GPR139: variants seen among roughly 807,000 people sequenced by gnomAD.
GPR139 encodes the protein G protein-coupled receptor 139, also known as probable G protein-coupled receptor 139.
GPR139 carries 12 observed loss-of-function variants against 25.8 expected under a neutral mutation model. The ratio of observed to expected loss-of-function variants is 0.47; its 90% confidence interval spans 0.30 to 0.75. The LOEUF (loss-of-function observed/expected upper bound fraction) is 0.75, where lower values mean the gene tolerates loss of function less well. Ranked by LOEUF, GPR139 falls within the 30% of genes least tolerant of loss-of-function variation. GPR139 has a pLI of 0.07. For synonymous variants in GPR139, 184 were observed against 179.9 expected, an observed-to-expected ratio of 1.02 and a Z score of -0.18; for missense variants, 380 against 450.2, an observed-to-expected ratio of 0.84 and a Z score of 1.41.
At chr16:20,043,853 A>G (rs1298588914) in intron 1 of GPR139, among the ~76,000 whole-genome samples, 1 of 152,198 alleles carries the variant, frequency 6.6e-6, no homozygotes. Context: ...GCTCTCCAGC[A>G]AACAATGAGC....
In GPR139 at chr16:20,033,537, C is replaced by T. The variant is rs565210057; in HGVS notation, c.128-868G>A. On this transcript the variant is annotated intron_variant, in intron 1 of 1. Transcript: ENST00000570682. ...CTGCTATATGTGTTCAGGAAAGAGA[C>T]GGGACTATATAACCTCTTAAGAACC... 1.2e-4 allele frequency among the ~76,000 whole-genome samples: 19 copies of T among 152,222 alleles called. No homozygotes were observed. The East Asian group carries it at 2.1e-3, about 17-fold the overall frequency.
chr16:20,073,689 TGGC>T lies in GPR139; in HGVS notation c.-76_-74del. 1 of 1,472,034 alleles carries T rather than the reference TGGC, an allele frequency of 6.8e-7. No individual in the cohort carries two copies. The highest frequency in any genetic ancestry group is 9.0e-7 in the Non-Finnish European group (1 of 1,112,944). The allele number at this position is 1,472,034 out of a possible 1,614,324, so 91.2% of individuals were successfully genotyped here. On this transcript the variant is annotated 5_prime_UTR_variant, in exon 1 of 2. Coordinates refer to ENST00000570682, the MANE Select transcript of GPR139 (RefSeq NM_001002911.4). The surrounding 1 kb of genome is among the most constrained non-coding windows in gnomAD (Gnocchi z 4.7). ...CCGACTCTGGTCGCCGGCTCGGTGG[TGGC>T]GGCGGCGGAGGCAGCGGCAGCTGGA...
At chr16:20,033,991 T>A (rs986600553) in intron 1 of GPR139, among the ~76,000 whole-genome samples, 14 of 151,788 alleles carry the variant, frequency 9.2e-5, no homozygotes, top group South Asian at 2.1e-4. Context: ...GTTTTTTTTT[T>A]AAAAAAAGTC....
chr16:20,063,658 A>G (rs2057421800), intron 1 of GPR139, among the ~76,000 whole-genome samples: 1 of 152,246 alleles, frequency 6.6e-6, no homozygotes, highest in Non-Finnish European at 1.5e-5. Context: ...AAATAATCCT[A>G]TATACCAACA....
intron 1 of GPR139, among the ~76,000 whole-genome samples, chr16:20,061,059 CTCTG>C (rs56001604): frequency 0.48 from 36,985 of 77,288 alleles, 4,945 homozygotes; most frequent in South Asian, 0.61. Context: ...CTAGTCTTTC[CTCTG>C]TGTGTGTGTG....
At chr16:20,042,798 C>T (rs761398746) in intron 1 of GPR139, among the ~76,000 whole-genome samples, 3 of 152,054 alleles carry the variant, frequency 2.0e-5, no homozygotes, top group Non-Finnish European at 4.4e-5. Context: ...CTAGAATCAG[C>T]ATTTTCTGTT....
At chr16:20,046,103 G>T (rs796396869) in intron 1 of GPR139, among the ~76,000 whole-genome samples, 2 of 152,160 alleles carry the variant, frequency 1.3e-5, no homozygotes, top group African/African-American at 4.8e-5. Context: ...GCTGCCAGGG[G>T]TAGGTATTTT....
intron 1 of GPR139, among the ~76,000 whole-genome samples, chr16:20,060,808 T>C (rs12926562): frequency 0.19 from 29,275 of 152,094 alleles, 3,347 homozygotes; most frequent in East Asian, 0.28. Context: ...TGTCGTGATA[T>C]GTGTGTACCA....
intron 1 of GPR139, among the ~76,000 whole-genome samples, chr16:20,034,246 C>T (rs1456185502): frequency 6.6e-6 from 1 of 152,164 alleles, no homozygotes; most frequent in Non-Finnish European, 1.5e-5. Flanking sequence ...GTCTCTCTTC[C>T]TTTCTTGGTA....
In GPR139 at chr16:20,030,704, G is replaced by C. The variant is rs2057284818; in HGVS notation, c.*1031C>G. ...GCAGCGCCAGCTGGGCTGTGAGACA[G>C]AGCTGAGAACACCTCCTCTCATACC... On this transcript the variant is annotated 3_prime_UTR_variant, in exon 2 of 2. Coordinates refer to ENST00000570682, the MANE Select transcript of GPR139 (RefSeq NM_001002911.4). Among the ~76,000 whole-genome samples, 1 of 152,236 alleles carries C rather than the reference G, an allele frequency of 6.6e-6. No individual in the cohort carries two copies. The highest frequency in any genetic ancestry group is 1.5e-5 in the Non-Finnish European group (1 of 68,046).
intron 1 of GPR139, among the ~76,000 whole-genome samples, chr16:20,057,526 ATCCATCCG>A (rs1156247544): frequency 4.0e-5 from 6 of 148,588 alleles, no homozygotes; most frequent in African/African-American, 1.6e-4. Flanking sequence ...CCATCCATCC[ATCCATCCG>A]TCCATCCATC....
At chr16:20,045,583 A>AATAG (rs2057351553) in intron 1 of GPR139, among the ~76,000 whole-genome samples, 1 of 152,210 alleles carries the variant, frequency 6.6e-6, no homozygotes, top group African/African-American at 2.4e-5. Flanking sequence ...AGTTTTAAAC[A>AATAG]GTGTCCATCA....
intron 1 of GPR139, among the ~76,000 whole-genome samples, chr16:20,033,653 A>G (rs2057299614): frequency 6.6e-6 from 1 of 152,120 alleles, no homozygotes; most frequent in Admixed American, 6.5e-5. Flanking sequence ...ATTAATTTAA[A>G]AGTAAATTAC....
intron 1 of GPR139, among the ~76,000 whole-genome samples, chr16:20,061,717 A>G (rs1002024575): frequency 2.6e-5 from 4 of 152,170 alleles, no homozygotes; most frequent in African/African-American, 4.8e-5. Context: ...CCTCCCTTTG[A>G]ATTGTACTAG....
chr16:20,030,427 CA>C lies in GPR139; in HGVS notation c.*1307del, dbSNP rs1567233481. On this transcript the variant is annotated 3_prime_UTR_variant, in exon 2 of 2. Coordinates refer to ENST00000570682, the MANE Select transcript of GPR139 (RefSeq NM_001002911.4). ...AAACACTAAATAAGACGAATATAATCATGTGTGTGTGTGTGCTGCACACATA... is the reference window on the plus strand; with the variant it reads ...AAACACTAAATAAGACGAATATAATCTGTGTGTGTGTGTGCTGCACACATA... Among the ~76,000 whole-genome samples, 2 of 151,816 alleles carry C rather than the reference CA, an allele frequency of 1.3e-5. No homozygotes were observed. Among genetic ancestry groups the C allele is most frequent in the African/African-American group, 4.8e-5 (2 of 41,306 alleles).
chr16:20,052,980 G>A (rs2057377668), intron 1 of GPR139, among the ~76,000 whole-genome samples: 1 of 152,034 alleles, frequency 6.6e-6, no homozygotes, highest in Non-Finnish European at 1.5e-5. Context: ...ATTAAGCCCA[G>A]TATGCATTAG....
intron 1 of GPR139, among the ~76,000 whole-genome samples, chr16:20,063,527 A>C (rs2057421244): frequency 6.6e-6 from 1 of 152,178 alleles, no homozygotes; most frequent in African/African-American, 2.4e-5. Context: ...AGGGAGATTT[A>C]CCACATATTT....
chr16:20,045,507 C>T (rs2057351343), intron 1 of GPR139, among the ~76,000 whole-genome samples: 1 of 152,186 alleles, frequency 6.6e-6, no homozygotes, highest in African/African-American at 2.4e-5. Context: ...CCTCCATAAT[C>T]AGCTCAGGGA....
rs770079261 is a variant in GPR139, at chr16:20,031,869, G to A, written c.928C>T (p.Pro310Ser). Residue 310 changes from proline (P) to serine (S), a missense_variant, in exon 2 of 2, where the codon CCT (proline) becomes TCT (serine). Transcript: ENST00000570682. ...TTATGATTGGTGTAGAACTGTACAG[G>A]TTGCTTCTGGCACTTGAAGAAAGCC... Reference protein sequence around the residue: ...LKAFFKCQKQPVQFYTNHNFS... With the variant: ...LKAFFKCQKQSVQFYTNHNFS... 6.2e-7 allele frequency: 1 copy of A among 1,614,136 alleles called. No individual in the cohort carries two copies. The highest frequency in any genetic ancestry group is 8.5e-7 in the Non-Finnish European group (1 of 1,180,028).
Sources: gnomAD v4.1 joint callset for allele counts (sites outside exome capture counted in the v4.1 genomes callset) on GRCh38, gnomAD v4.1.1 for gene constraint, Gnocchi (gnomAD v3.1) non-coding constraint, MANE v1.5 for transcripts, NCBI Gene and HGNC (gene_info 2026-07-23, HGNC 2026-07-21) for gene names.